SYTL2: variants seen among roughly 807,000 people sequenced by gnomAD.
SYTL2 encodes synaptotagmin like 2, also known as synaptotagmin-like protein 2.
SYTL2 carries 165 observed loss-of-function variants against 198.7 expected under a neutral mutation model. The observed-to-expected ratio is 0.83, with a 90% CI of 0.73 to 0.94. The LOEUF is 0.94. Among genes scored for constraint, SYTL2 ranks in the 40% least tolerant of loss-of-function variants. SYTL2 has a pLI of 0.00. For missense variants in SYTL2, 2,835 were observed against 2,582.8 expected (o/e 1.10, Z -2.12); for synonymous variants, 966 against 917.7 (o/e 1.05, Z -0.95).
chr11:85,803,280 A>G (rs1437494843), intron 1 of SYTL2, among the ~76,000 whole-genome samples: 1 of 152,226 alleles, frequency 6.6e-6, no homozygotes, highest in Non-Finnish European at 1.5e-5. Context: ...TAAAATCCTC[A>G]TATCATGCAC....
chr11:85,758,289 A>G (rs1295052204), intron 1 of SYTL2, among the ~76,000 whole-genome samples, 175 bp from the exon 2 acceptor site: 1 of 152,192 alleles, frequency 6.6e-6, no homozygotes, highest in Non-Finnish European at 1.5e-5. Flanking sequence ...CTTCAACCCT[A>G]TTCCAGACGG....
chr11:85,829,682 G>T, the SYTL2 span, among the ~76,000 whole-genome samples: 1 of 152,124 alleles, frequency 6.6e-6, no homozygotes, highest in African/African-American at 2.4e-5. Flanking sequence ...GTGTATAAGT[G>T]TTTCCTTTTC....
At chr11:85,815,597 T>C (rs2093060378), upstream of SYTL2, among the ~76,000 whole-genome samples, 1 of 152,248 alleles carries the variant, frequency 6.6e-6, no homozygotes, top group Admixed American at 6.5e-5. Context: ...TGTTTGATCT[T>C]CATTCAACCC....
At chr11:85,778,728 G>A (rs901075316) in intron 1 of SYTL2, among the ~76,000 whole-genome samples, 1 of 152,194 alleles carries the variant, frequency 6.6e-6, no homozygotes, top group Non-Finnish European at 1.5e-5. Context: ...TGTAATCCCA[G>A]CACTTTGGGA....
intron 1 of SYTL2, among the ~76,000 whole-genome samples, chr11:85,761,769 A>G (rs2092101943): frequency 6.6e-6 from 1 of 152,062 alleles, no homozygotes; most frequent in Non-Finnish European, 1.5e-5. Context: ...AGCAATTCTC[A>G]TGCCTCAGCC....
the SYTL2 span, among the ~76,000 whole-genome samples, chr11:85,820,440 A>G: frequency 6.6e-6 from 1 of 152,224 alleles, no homozygotes; most frequent in African/African-American, 2.4e-5. Flanking sequence ...TTTGGAAGAC[A>G]TTTAATACCC....
intron 1 of SYTL2, among the ~76,000 whole-genome samples, chr11:85,807,509 A>T (rs2092973927): frequency 6.6e-6 from 1 of 152,272 alleles, no homozygotes; most frequent in Non-Finnish European, 1.5e-5. Context: ...TTTGTTTATT[A>T]TCATCAATTT....
chr11:85,706,787 C>A (rs113892280), intron 15 of SYTL2, among the ~76,000 whole-genome samples: 181 of 152,240 alleles, frequency 1.2e-3, no homozygotes, highest in African/African-American at 4.2e-3. Flanking sequence ...TAAGATCATT[C>A]TGGTTGCAAT....
chr11:85,820,128 GC>G, the SYTL2 span, among the ~76,000 whole-genome samples: 1 of 152,082 alleles, frequency 6.6e-6, no homozygotes, highest in African/African-American at 2.4e-5. Context: ...ATAAATGTAA[GC>G]AACAACCCAC....
intron 13 of SYTL2, among the ~76,000 whole-genome samples, chr11:85,710,484 T>A (rs2086059970): frequency 6.6e-6 from 1 of 152,248 alleles, no homozygotes. Flanking sequence ...TGTATGCACA[T>A]CTGATACTCA....
upstream of SYTL2, among the ~76,000 whole-genome samples, chr11:85,814,128 A>G (rs927260473): frequency 6.6e-6 from 1 of 152,232 alleles, no homozygotes; most frequent in Non-Finnish European, 1.5e-5. Context: ...CCAAGGTAAG[A>G]TCTCAATTCC....
At chr11:85,754,800 C>G (rs1292488906) in intron 2 of SYTL2, among the ~76,000 whole-genome samples, 1 of 152,130 alleles carries the variant, frequency 6.6e-6, no homozygotes, top group Non-Finnish European at 1.5e-5. Context: ...TCAGTTTCAT[C>G]TCCGGTTCCA....
In SYTL2 at chr11:85,696,253, C is replaced by T; in HGVS notation, c.6504G>A (p.Glu2168=). The stretch of plus-strand genomic sequence containing the variant: ...ATTTGTAATGGTCCCAGACAGTAAG[C>T]TCTACACAGGCTTCCATCAGATCTT... The part of the protein sequence containing the change: ...RPEDLMEACV[E]LTVWDHYKLT... The change falls in exon 19 of 20, where the codon GAG becomes GAA. Residue 2168 remains glutamate (E), a synonymous_variant. Transcript: ENST00000359152. The T allele has an allele frequency of 2.5e-6, 4 of 1,612,810 alleles. No homozygotes were observed. The highest frequency in any genetic ancestry group is 3.4e-6 in the Non-Finnish European group (4 of 1,179,630).
chr11:85,809,935 A>G (rs2093008360), intron 1 of SYTL2, among the ~76,000 whole-genome samples: 1 of 152,234 alleles, frequency 6.6e-6, no homozygotes, highest in African/African-American at 2.4e-5. Flanking sequence ...CCAAGTCCTC[A>G]GCTCCTTTCA....
chr11:85,733,016 GA>G (rs1463097593), intron 7 of SYTL2, among the ~76,000 whole-genome samples: 1 of 152,180 alleles, frequency 6.6e-6, no homozygotes, highest in East Asian at 1.9e-4. Flanking sequence ...AGTTAGCAGG[GA>G]AAAGCAGTAC....
chr11:85,722,719 T>C (rs919428861), intron 8 of SYTL2, among the ~76,000 whole-genome samples: 2 of 151,846 alleles, frequency 1.3e-5, no homozygotes, highest in African/African-American at 4.8e-5. Flanking sequence ...TTTATTTACT[T>C]TAGAGATTAA....
At chr11:85,736,968 G>A (rs916840163) in intron 5 of SYTL2, among the ~76,000 whole-genome samples, 6 of 152,162 alleles carry the variant, frequency 3.9e-5, no homozygotes, top group African/African-American at 1.4e-4. Context: ...AGTCCCACCA[G>A]TGATTCTTCT....
intron 3 of SYTL2, among the ~76,000 whole-genome samples, chr11:85,747,095 GTTAA>G (rs2153523455): frequency 6.6e-6 from 1 of 152,308 alleles, no homozygotes; most frequent in East Asian, 1.9e-4. Context: ...CTAAGCCAGA[GTTAA>G]TTAGAGAGAA....
intron 4 of SYTL2, among the ~76,000 whole-genome samples, chr11:85,743,897 C>G (rs2090973504): frequency 6.6e-6 from 1 of 152,058 alleles, no homozygotes; most frequent in Non-Finnish European, 1.5e-5. Flanking sequence ...GCTCCCTCCT[C>G]CCTCAGCTGG....
Sources: gnomAD v4.1 joint callset for allele counts (sites outside exome capture counted in the v4.1 genomes callset) on GRCh38, gnomAD v4.1.1 for gene constraint, MANE v1.5 for transcripts, NCBI Gene and HGNC (gene_info 2026-07-23, HGNC 2026-07-21) for gene names.